ST18: variants seen among roughly 807,000 people sequenced by gnomAD.
ST18 encodes the protein suppression of tumorigenicity 18 protein.
Under a neutral mutation model 110.0 loss-of-function variants are expected in ST18, and 50 were observed. That is an observed-to-expected ratio of 0.45 (90% confidence interval 0.36 to 0.58). The LOEUF (loss-of-function observed/expected upper bound fraction) is 0.58. Ranked by LOEUF, ST18 falls within the 20% of genes least tolerant of loss-of-function variation. ST18 has a pLI of 0.00. For missense variants in ST18, 1,306 were observed against 1,280.1 expected (o/e 1.02, Z -0.31); for synonymous variants, 461 against 452.4 (o/e 1.02, Z -0.24).
intron 2 of ST18, among the ~76,000 whole-genome samples, chr8:52,302,700 TCTC>T (rs2095747287): frequency 6.6e-6 from 1 of 152,088 alleles, no homozygotes; most frequent in South Asian, 2.1e-4. Flanking sequence ...TTGACAGAGT[TCTC>T]CTGTTGGCCA....
Position 52,252,594 on chromosome 8 carries a change from C to T in ST18, c.-464-22517G>A, listed in dbSNP as rs368577685. 1.3e-4 allele frequency among the ~76,000 whole-genome samples: 20 copies of T among 151,882 alleles called. 1 individual carries two copies. The highest frequency in any genetic ancestry group is 3.9e-4 in the African/African-American group (16 of 41,504). Reference sequence around the variant, plus strand: ...AAACGTTTTAAATACAACCACCTTACGCTCTCCAAGGTACAGTATATCCAA... The same window carrying T: ...AAACGTTTTAAATACAACCACCTTATGCTCTCCAAGGTACAGTATATCCAA... On this transcript the variant is annotated intron_variant, in intron 2 of 25. Transcript: ENST00000689386.
chr8:52,254,080 A>G (rs959230881), intron 2 of ST18, among the ~76,000 whole-genome samples: 8 of 152,102 alleles, frequency 5.3e-5, no homozygotes, highest in Admixed American at 1.3e-4. Flanking sequence ...CAAAACAAAC[A>G]TCAGAAAAAC....
chr8:52,301,441 T>C (rs563891266), intron 2 of ST18, among the ~76,000 whole-genome samples: 6 of 152,344 alleles, frequency 3.9e-5, no homozygotes, highest in African/African-American at 1.4e-4. Flanking sequence ...GCACTGGTTG[T>C]GTTACTAAGT....
At chr8:52,265,566 T>C (rs1017222355) in intron 2 of ST18, among the ~76,000 whole-genome samples, 2 of 152,192 alleles carry the variant, frequency 1.3e-5, no homozygotes, top group African/African-American at 2.4e-5. Flanking sequence ...TGAAGAAGTA[T>C]GGTCTATTCA....
In ST18 at chr8:52,214,221, G is replaced by A. The variant is rs761874292; in HGVS notation, c.37C>T (p.Arg13Cys). 5.6e-6 allele frequency: 9 copies of A among 1,614,030 alleles called. No homozygotes were observed. Among genetic ancestry groups the A allele is most frequent in the South Asian group, 4.4e-5 (4 of 91,072 alleles). Residue 13 changes from arginine to cysteine, a missense_variant, in exon 7 of 26, where the codon CGC becomes TGC. Arg to Cys is a radical substitution (Grantham distance 180, BLOSUM62 -3). Transcript: ENST00000689386. Reference sequence around the variant, plus strand: ...AACTCACCCTCGGTTCCTTTAGAGCGAGTACGCAGCGTTTTATCTTCAGCC... The same window carrying A: ...AACTCACCCTCGGTTCCTTTAGAGCAAGTACGCAGCGTTTTATCTTCAGCC... ...AEAEDKTLRT[R>C]SKGTEVPMDS...
chr8:52,130,439 T>G (rs2049120707), intron 22 of ST18, among the ~76,000 whole-genome samples: 1 of 152,128 alleles, frequency 6.6e-6, no homozygotes, highest in South Asian at 2.1e-4. Context: ...CACAGGCATG[T>G]ACCACCATCA....
chr8:52,261,530 C>T (rs947117360), intron 2 of ST18, among the ~76,000 whole-genome samples: 2 of 152,152 alleles, frequency 1.3e-5, no homozygotes, highest in Non-Finnish European at 2.9e-5. Flanking sequence ...TCAATCTTAG[C>T]AGGATAATCA....
At chr8:52,371,504 T>C (rs1830262387) in intron 2 of ST18, among the ~76,000 whole-genome samples, 1 of 152,164 alleles carries the variant, frequency 6.6e-6, no homozygotes, top group African/African-American at 2.4e-5. Context: ...GACACCAAGA[T>C]ATTAGGTGCT....
chr8:52,283,220 G>C (rs2095415358), intron 2 of ST18, among the ~76,000 whole-genome samples: 1 of 152,244 alleles, frequency 6.6e-6, no homozygotes, highest in African/African-American at 2.4e-5. Flanking sequence ...AACTAGGAGA[G>C]ACCCCAGCTG....
Position 52,133,142 on chromosome 8 carries a change from A to C in ST18, c.2364-5T>G. ...GCACGAGGGCATCCGGACAAGCTGA[A>C]ATAGGGACCCGACAAAGAACAAAGC... On this transcript the variant is annotated splice_polypyrimidine_tract_variant and splice_region_variant and intron_variant, in intron 20 of 25. Transcript: ENST00000689386. The C allele has an allele frequency of 2.5e-6, 4 of 1,614,142 alleles. No individual in the cohort carries two copies. Among genetic ancestry groups the C allele is most frequent in the Non-Finnish European group, 3.4e-6 (4 of 1,180,018 alleles).
chr8:52,183,976 T>C (rs1254526479), intron 8 of ST18, among the ~76,000 whole-genome samples: 1 of 152,202 alleles, frequency 6.6e-6, no homozygotes, highest in South Asian at 2.1e-4. Context: ...ATATTACTCT[T>C]TGTGTGTGCA....
chr8:52,154,055 A>C (rs955483199), intron 15 of ST18, among the ~76,000 whole-genome samples: 3 of 152,238 alleles, frequency 2.0e-5, no homozygotes, highest in African/African-American at 7.2e-5. Context: ...ACATGTTCTT[A>C]GGTTACTGTG....
At chr8:52,382,592 T>G (rs1564624530) in intron 2 of ST18, among the ~76,000 whole-genome samples, 1 of 151,896 alleles carries the variant, frequency 6.6e-6, no homozygotes, top group Non-Finnish European at 1.5e-5. Context: ...ACACAAAACA[T>G]CGTGTCCAGA....
intron 16 of ST18, among the ~76,000 whole-genome samples, chr8:52,146,548 C>T (rs2057345583): frequency 6.6e-6 from 1 of 151,950 alleles, no homozygotes; most frequent in Non-Finnish European, 1.5e-5. Context: ...AACTTTACCC[C>T]CCTCACATTT....
At position 52,361,920 on chromosome 8, in the gene ST18, G is replaced by A. The variant is rs116099421; in HGVS notation, c.-465+47408C>T. Among the ~76,000 whole-genome samples, 1,290 of 151,656 alleles carry A rather than the reference G, an allele frequency of 8.5e-3. 16 individuals are homozygous for A. The highest frequency in any genetic ancestry group is 0.029 in the African/African-American group (1,215 of 41,344). ...TCACACTTTATTTTTTTTTCTTTCA[G>A]GATGAAACCCAATATGTCTGAAAAT... On this transcript the variant is annotated intron_variant, in intron 2 of 25. Transcript: ENST00000689386.
At chr8:52,264,501 A>C (rs1223785049) in intron 2 of ST18, among the ~76,000 whole-genome samples, 3 of 152,198 alleles carry the variant, frequency 2.0e-5, no homozygotes, top group Non-Finnish European at 4.4e-5. Flanking sequence ...CTCATTTAGA[A>C]AAAGAGAAAT....
At chr8:52,130,486 G>A (rs927690680) in intron 22 of ST18, among the ~76,000 whole-genome samples, 1 of 152,098 alleles carries the variant, frequency 6.6e-6, no homozygotes, top group East Asian at 1.9e-4. Flanking sequence ...ACTGTTAGTG[G>A]GCACCAAGGT....
chr8:52,268,540 A>ATTTG (rs1564374228), intron 2 of ST18, among the ~76,000 whole-genome samples: 4 of 151,456 alleles, frequency 2.6e-5, no homozygotes, highest in Non-Finnish European at 5.9e-5. Context: ...TCTATCATCT[A>ATTTG]TCTATCTATT....
At chr8:52,332,219 A>G (rs1809841172) in intron 2 of ST18, among the ~76,000 whole-genome samples, 1 of 152,164 alleles carries the variant, frequency 6.6e-6, no homozygotes, top group Non-Finnish European at 1.5e-5. Context: ...TTTTGGATAA[A>G]TAATATTTGT....
Sources: allele counts gnomAD v4.1 joint callset (sites outside exome capture counted in the v4.1 genomes callset), GRCh38; gene constraint gnomAD v4.1.1; transcripts MANE v1.5; gene names NCBI Gene and HGNC (gene_info 2026-07-23, HGNC 2026-07-21).